The following CAMK2D variants were observed in gnomAD, a reference collection of about 807,000 sequenced individuals.
CAMK2D encodes the protein calcium/calmodulin-dependent protein kinase type II subunit delta.
A neutral mutation model predicts 84.0 loss-of-function variants in CAMK2D; 37 were observed. The ratio of observed to expected loss-of-function variants is 0.44; its 90% CI spans 0.34 to 0.58. CAMK2D has a LOEUF of 0.58. CAMK2D is among the 20% of genes least tolerant of loss of function. The pLI is 0.02. For synonymous variants in CAMK2D, 202 were observed against 212.5 expected (o/e 0.95, Z 0.43); for missense variants, 448 against 652.5 (o/e 0.69, Z 3.41).
At chr4:113,509,748 GTTA>G in intron 12 of CAMK2D, 73 bp from the exon 13 acceptor site, 4 of 1,070,270 alleles carry the variant, frequency 3.7e-6, no homozygotes, top group Non-Finnish European at 5.8e-6. Flanking sequence ...AAGCAGTCAG[GTTA>G]TTGTCTCCTT....
At chr4:113,502,378 T>C (rs1186352203) in intron 15 of CAMK2D, among the ~76,000 whole-genome samples, 1 of 148,846 alleles carries the variant, frequency 6.7e-6, no homozygotes, top group Non-Finnish European at 1.5e-5. Context: ...CACCTCAAAT[T>C]CATGCCAAAC....
intron 3 of CAMK2D, among the ~76,000 whole-genome samples, chr4:113,651,581 A>T (rs1294458319): frequency 6.6e-6 from 1 of 152,144 alleles, no homozygotes; most frequent in Non-Finnish European, 1.5e-5. Context: ...TGATTGTTTT[A>T]AAAAAATTGA....
chr4:113,602,847 C>A (rs141433548), intron 4 of CAMK2D, among the ~76,000 whole-genome samples: 38 of 152,270 alleles, frequency 2.5e-4, no homozygotes, highest in South Asian at 8.3e-4. Context: ...GGGGTCCCAG[C>A]CGATAAACCT....
intron 11 of CAMK2D, among the ~76,000 whole-genome samples, chr4:113,513,613 G>T (rs1446031500): frequency 1.3e-5 from 2 of 152,198 alleles, no homozygotes; most frequent in Admixed American, 1.3e-4. Flanking sequence ...TTCCACTGAA[G>T]GAAGGATCCA....
intron 3 of CAMK2D, among the ~76,000 whole-genome samples, chr4:113,630,689 C>G (rs2099086116): frequency 6.6e-6 from 1 of 152,136 alleles, no homozygotes; most frequent in African/African-American, 2.4e-5. Flanking sequence ...AACCACAGCC[C>G]TCGACCACCA....
intron 2 of CAMK2D, among the ~76,000 whole-genome samples, chr4:113,740,010 C>G (rs536829558): frequency 4.6e-5 from 7 of 152,212 alleles, no homozygotes; most frequent in African/African-American, 1.7e-4. Context: ...AGTGTCTTGG[C>G]TATTAATTAT....
chr4:113,518,959 GA>G (rs145595734), intron 8 of CAMK2D, among the ~76,000 whole-genome samples: 13 of 146,334 alleles, frequency 8.9e-5, no homozygotes, highest in South Asian at 2.2e-4. Flanking sequence ...CATTCTTAAG[GA>G]AAAAAAAAAG....
chr4:113,547,741 G>C, intron 5 of CAMK2D, 25 bp from the exon 6 acceptor site: 1 of 1,490,844 alleles, frequency 6.7e-7, no homozygotes, highest in Non-Finnish European at 9.0e-7. Flanking sequence ...CAGGGGGCGT[G>C]TGTTAGTTCC....
At chr4:113,632,096 T>C (rs896737196) in intron 3 of CAMK2D, among the ~76,000 whole-genome samples, 10 of 152,318 alleles carry the variant, frequency 6.6e-5, no homozygotes, top group African/African-American at 2.4e-4. Context: ...TCACTTATTA[T>C]ACAATCAAAG....
intron 3 of CAMK2D, among the ~76,000 whole-genome samples, chr4:113,619,304 T>A (rs548269564): frequency 6.6e-6 from 1 of 152,306 alleles, no homozygotes; most frequent in East Asian, 1.9e-4. Flanking sequence ...AGTAGCCTCC[T>A]ATCTCATTTC....
chr4:113,627,234 A>G (rs2099071881), intron 3 of CAMK2D, among the ~76,000 whole-genome samples: 1 of 152,270 alleles, frequency 6.6e-6, no homozygotes, highest in African/African-American at 2.4e-5. Context: ...GTGTTCCTCT[A>G]TAAGTGAAGG....
intron 12 of CAMK2D, among the ~76,000 whole-genome samples, chr4:113,510,633 C>T (rs534485853): frequency 6.6e-6 from 1 of 152,062 alleles, no homozygotes; most frequent in East Asian, 1.9e-4. Context: ...CACAAATATG[C>T]AGGACATGAT....
chr4:113,584,129 T>C (rs923983470), intron 4 of CAMK2D, among the ~76,000 whole-genome samples: 2 of 152,172 alleles, frequency 1.3e-5, no homozygotes, highest in Non-Finnish European at 2.9e-5. Context: ...GTGTTTCTTA[T>C]CTACAGAATG....
intron 2 of CAMK2D, among the ~76,000 whole-genome samples, chr4:113,742,456 G>C (rs1436811376): frequency 6.6e-6 from 1 of 151,850 alleles, no homozygotes; most frequent in African/African-American, 2.4e-5. Context: ...TAATAGCAAT[G>C]GGAGAAGAAA....
chr4:113,687,082 C>A (rs1315784564), intron 2 of CAMK2D, among the ~76,000 whole-genome samples: 2 of 152,152 alleles, frequency 1.3e-5, no homozygotes, highest in African/African-American at 4.8e-5. Flanking sequence ...GCCATGAGCA[C>A]ATGCATTCTC....
At chr4:113,596,075 A>G (rs1300684843) in intron 4 of CAMK2D, among the ~76,000 whole-genome samples, 1 of 152,206 alleles carries the variant, frequency 6.6e-6, no homozygotes, top group Non-Finnish European at 1.5e-5. Context: ...GTAATATTCT[A>G]AATCCTTTGT....
At chr4:113,753,953 C>CA in intron 2 of CAMK2D, 1 of 978,764 alleles carries the variant, frequency 1.0e-6, no homozygotes. Context: ...ATTGTAATGC[C>CA]ATTCATGTCT....
chr4:113,509,829 T>C (rs1459605907), intron 12 of CAMK2D, among the ~76,000 whole-genome samples, 154 bp from the exon 13 acceptor site: 2 of 152,218 alleles, frequency 1.3e-5, no homozygotes, highest in African/African-American at 4.8e-5. Flanking sequence ...GAACGCGAGC[T>C]TACAGGACAT....
chr4:113,560,228 A>G (rs1409679328), intron 4 of CAMK2D, among the ~76,000 whole-genome samples: 4 of 148,684 alleles, frequency 2.7e-5, no homozygotes, highest in Middle Eastern at 3.5e-3. Context: ...TTGTTCTCAC[A>G]GCATTTTTTT....
Sources: allele counts gnomAD v4.1 joint callset (sites outside exome capture counted in the v4.1 genomes callset), GRCh38; gene constraint gnomAD v4.1.1; transcripts MANE v1.5; gene names NCBI Gene and HGNC (gene_info 2026-07-23, HGNC 2026-07-21).